Variants in ADGRG7 observed in about 807,000 individuals in gnomAD.
ADGRG7 encodes adhesion G protein-coupled receptor G7.
Under a neutral mutation model 88.6 loss-of-function variants are expected in ADGRG7, and 82 were observed. The observed-to-expected ratio is 0.93, with a 90% CI of 0.77 to 1.11. ADGRG7 has a LOEUF of 1.11. Ranked by LOEUF, ADGRG7 falls within the 50% of genes most tolerant of loss-of-function variation. ADGRG7 has a pLI of 0.00. For synonymous variants in ADGRG7, 381 were observed against 345.2 expected, an observed-to-expected ratio of 1.10 and a Z score of -1.15; for missense variants, 945 against 953.4, an observed-to-expected ratio of 0.99 and a Z score of 0.12.
chr3:100,645,882 C>T lies in ADGRG7; in HGVS notation c.947-63C>T, dbSNP rs1707735551. 15 of 1,395,840 alleles carry T rather than the reference C, an allele frequency of 1.1e-5. No individual in the cohort carries two copies. In the South Asian group the frequency reaches 1.5e-4, roughly 14 times the overall value. 86.5% of individuals were successfully genotyped at this position (1,395,840 alleles called of 1,614,324 possible). On this transcript the variant is annotated intron_variant, in intron 8 of 15. Transcript: ENST00000273352. ...GCCATGCACTTCTACAATAACGTGA[C>T]ATATTGTTTTTTGTTTACCTTACAG...
chr3:100,656,190 T>C (rs573151450), intron 13 of ADGRG7, among the ~76,000 whole-genome samples, 195 bp downstream of exon 13: 2 of 152,358 alleles, frequency 1.3e-5, no homozygotes, highest in Admixed American at 6.5e-5. Context: ...AGTCCTTTTG[T>C]AAAGCAAGTA....
At chr3:100,617,717 T>A in intron 1 of ADGRG7, among the ~76,000 whole-genome samples, 1 of 152,184 alleles carries the variant, frequency 6.6e-6, no homozygotes. Flanking sequence ...TATAATCCTT[T>A]GGGTATATAC....
intron 9 of ADGRG7, among the ~76,000 whole-genome samples, 170 bp from the exon 10 acceptor site, chr3:100,646,399 A>G (rs1468397026): frequency 6.6e-6 from 1 of 152,246 alleles, no homozygotes; most frequent in Non-Finnish European, 1.5e-5. Context: ...TGCAAAGTTA[A>G]CTAATTTAAA....
rs144006063 is a variant in ADGRG7, at chr3:100,653,390, C to G, written c.1380-1445C>G. On this transcript the variant is annotated intron_variant, in intron 11 of 15. Transcript: ENST00000273352. ...GCCTTATTTTAAAATGTATAAGTGA[C>G]TTTTAAATATAAATTACATTTTAAA... is the stretch of plus-strand genomic sequence containing the variant. Among the ~76,000 whole-genome samples, 528 of 152,270 alleles carry G rather than the reference C, an allele frequency of 3.5e-3. 4 individuals are homozygous for G. Among genetic ancestry groups the G allele is most frequent in the Non-Finnish European group, 5.1e-3 (350 of 68,006 alleles).
At chr3:100,663,939 A>G (rs1042010772) in intron 14 of ADGRG7, among the ~76,000 whole-genome samples, 11 of 152,090 alleles carry the variant, frequency 7.2e-5, no homozygotes, top group African/African-American at 2.4e-4. Context: ...CCATTAGGAT[A>G]TAAGACGTGA....
chr3:100,633,824 T>C (rs1054095333), intron 4 of ADGRG7, among the ~76,000 whole-genome samples: 3 of 152,166 alleles, frequency 2.0e-5, no homozygotes, highest in African/African-American at 7.2e-5. Flanking sequence ...CCACCACACC[T>C]GGCCGCCACT....
chr3:100,684,875 G>GTAA (rs1381977949), intron 15 of ADGRG7, among the ~76,000 whole-genome samples: 2 of 151,300 alleles, frequency 1.3e-5, no homozygotes, highest in East Asian at 3.9e-4. Context: ...TCTTTTTAAG[G>GTAA]TAATAATATT....
intron 6 of ADGRG7, among the ~76,000 whole-genome samples, 174 bp from the exon 7 acceptor site, chr3:100,643,092 A>G (rs940477706): frequency 2.0e-5 from 3 of 152,366 alleles, no homozygotes; most frequent in Middle Eastern, 6.8e-3. Flanking sequence ...ATTTAAGTAC[A>G]TATAACACAA....
At chr3:100,669,200 A>T in intron 15 of ADGRG7, 95 bp downstream of exon 15, 2 of 1,102,494 alleles carry the variant, frequency 1.8e-6, no homozygotes, top group South Asian at 5.7e-5. Context: ...TTTTAAAAAA[A>T]TCTAGGCCAG....
At chr3:100,618,825 A>T (rs995139086) in intron 1 of ADGRG7, among the ~76,000 whole-genome samples, 10 of 152,094 alleles carry the variant, frequency 6.6e-5, no homozygotes, top group Non-Finnish European at 8.8e-5. Context: ...CCATTTTCAC[A>T]ATATTGATTC....
intron 10 of ADGRG7, among the ~76,000 whole-genome samples, chr3:100,647,423 T>C (rs2149026710): frequency 6.6e-6 from 1 of 152,334 alleles, no homozygotes; most frequent in African/African-American, 2.4e-5. Flanking sequence ...GTGGACAGTT[T>C]AAATCAGTTA....
chr3:100,676,166 C>G (rs1044652805), intron 15 of ADGRG7, among the ~76,000 whole-genome samples: 1 of 151,976 alleles, frequency 6.6e-6, no homozygotes, highest in East Asian at 1.9e-4. Context: ...TCTTGCTTTT[C>G]CAGTTCCTTA....
chr3:100,679,397 G>A (rs553352448), intron 15 of ADGRG7, among the ~76,000 whole-genome samples: 10 of 152,156 alleles, frequency 6.6e-5, no homozygotes, highest in African/African-American at 1.7e-4. Flanking sequence ...TCCAGGAGCC[G>A]AGGCCTGGAA....
chr3:100,669,575 A>C (rs2094955933), intron 15 of ADGRG7, among the ~76,000 whole-genome samples: 1 of 147,540 alleles, frequency 6.8e-6, no homozygotes, highest in African/African-American at 2.5e-5. Context: ...TAGTGGGTAC[A>C]TAGTAGGTGT....
intron 15 of ADGRG7, among the ~76,000 whole-genome samples, chr3:100,679,679 A>G (rs2094970369): frequency 2.6e-5 from 4 of 152,234 alleles, no homozygotes; most frequent in Admixed American, 2.6e-4. Flanking sequence ...TATAGTAGCA[A>G]TAGAGTTGGA....
intron 12 of ADGRG7, 54 bp downstream of exon 12, chr3:100,655,235 A>G: frequency 7.6e-7 from 1 of 1,307,464 alleles, no homozygotes; most frequent in Non-Finnish European, 1.1e-6. Context: ...GAAATCATTT[A>G]ATTTAAACAC....
chr3:100,684,939 T>A (rs934661780), intron 15 of ADGRG7, among the ~76,000 whole-genome samples: 1 of 152,102 alleles, frequency 6.6e-6, no homozygotes, highest in Admixed American at 6.5e-5. Flanking sequence ...AAATTTATCA[T>A]GTTGTGGTTA....
intron 3 of ADGRG7, among the ~76,000 whole-genome samples, chr3:100,632,451 G>C (rs1252227079): frequency 6.6e-6 from 1 of 152,110 alleles, no homozygotes; most frequent in Non-Finnish European, 1.5e-5. Flanking sequence ...TGATTTTTGA[G>C]TGGGGATATT....
chr3:100,656,113 G>A, intron 13 of ADGRG7, 118 bp downstream of exon 13: 1 of 550,660 alleles, frequency 1.8e-6, no homozygotes, highest in South Asian at 3.4e-5. Flanking sequence ...CATGTTTAGT[G>A]GTAGACATTT....
Sources: gnomAD v4.1 joint callset for allele counts (sites outside exome capture counted in the v4.1 genomes callset) on GRCh38, gnomAD v4.1.1 for gene constraint, MANE v1.5 for transcripts, NCBI Gene and HGNC (gene_info 2026-07-23, HGNC 2026-07-21) for gene names.